The following UST variants were observed in gnomAD, a reference collection of about 807,000 sequenced individuals.
The protein encoded by UST is chondroitin sulfate 2-O-sulfotransferase.
Under a neutral mutation model 45.6 loss-of-function variants are expected in UST, and 21 were observed. That is an observed-to-expected ratio of 0.46 (90% CI 0.33 to 0.66). The LOEUF (loss-of-function observed/expected upper bound fraction) is 0.66. Ranked by LOEUF, UST falls within the 30% of genes least tolerant of loss-of-function variation. The pLI is 0.02. For missense variants in UST, 463 were observed against 512.4 expected (o/e 0.90, Z 0.93); for synonymous variants, 215 against 200.6 (o/e 1.07, Z -0.61).
At chr6:148,973,424 A>G (rs1780959366) in intron 5 of UST, among the ~76,000 whole-genome samples, 1 of 152,230 alleles carries the variant, frequency 6.6e-6, no homozygotes, top group Non-Finnish European at 1.5e-5. Flanking sequence ...GAGACATGTG[A>G]CATTCTTTAA....
intron 2 of UST, among the ~76,000 whole-genome samples, chr6:148,917,754 A>T (rs1289429601): frequency 6.6e-6 from 1 of 152,188 alleles, no homozygotes; most frequent in East Asian, 1.9e-4. Flanking sequence ...AGGGGATGTG[A>T]CTCAAAACTG....
chr6:148,843,414 T>G (rs1383386399), intron 1 of UST, among the ~76,000 whole-genome samples: 1 of 152,256 alleles, frequency 6.6e-6, no homozygotes, highest in Non-Finnish European at 1.5e-5. Flanking sequence ...TCAATATGAT[T>G]GCAGTTTGAG....
intron 1 of UST, among the ~76,000 whole-genome samples, chr6:148,806,887 A>G (rs1316478235): frequency 1.3e-5 from 2 of 151,544 alleles, no homozygotes; most frequent in Admixed American, 6.6e-5. Context: ...TAACTGACCC[A>G]CTCCCACTAT....
intron 1 of UST, among the ~76,000 whole-genome samples, chr6:148,819,968 C>T (rs900684852): frequency 7.2e-5 from 11 of 152,102 alleles, no homozygotes; most frequent in African/African-American, 1.4e-4. Context: ...TAGAATGCTC[C>T]GAAGGCCCAT....
In UST at chr6:148,747,658, C is replaced by G. The variant is rs760254500; in HGVS notation, c.228C>G (p.Leu76=). 3.1e-6 allele frequency: 5 copies of G among 1,599,842 alleles called. No individual in the cohort carries two copies. The East Asian group carries it at 9.2e-5, about 30-fold the overall frequency. The change falls in exon 1 of 8, where the codon CTC becomes CTG. Residue 76 remains leucine, a synonymous_variant. Coordinates refer to ENST00000367463, the MANE Select transcript of UST (RefSeq NM_005715.3). ...QLSGGPPRFL[L]DLRQYLGNST... ...GCGGGGGACCCCCTCGCTTCCTGCT[C>G]GACCTGCGGCAGTACTTGGGTAAGG...
At chr6:148,912,184 G>A (rs1033841948) in intron 2 of UST, among the ~76,000 whole-genome samples, 70 of 152,272 alleles carry the variant, frequency 4.6e-4, no homozygotes, top group African/African-American at 1.5e-3. Flanking sequence ...GTGACACAGC[G>A]AGGGTCTATT....
chr6:148,985,881 A>G (rs2114986257), intron 5 of UST, among the ~76,000 whole-genome samples: 1 of 152,288 alleles, frequency 6.6e-6, no homozygotes, highest in African/African-American at 2.4e-5. Context: ...TACCAAGATG[A>G]GATTGGATGT....
Position 148,965,568 on chromosome 6 carries a change from A to G in UST, c.681+1005A>G, listed in dbSNP as rs573529921. The stretch of plus-strand genomic sequence containing the variant: ...AGCACCGAATCTCAGGGCCACGGCC[A>G]GGACGGCTGCTTCCTCATCTCATTT... On this transcript the variant is annotated intron_variant, in intron 5 of 7. Coordinates refer to ENST00000367463, the MANE Select transcript of UST (RefSeq NM_005715.3). 1.1e-4 allele frequency among the ~76,000 whole-genome samples: 16 copies of G among 152,350 alleles called. No homozygotes were observed. The South Asian group carries it at 1.9e-3, about 18-fold the overall frequency.
At chr6:148,820,698 A>C (rs1777443168) in intron 1 of UST, among the ~76,000 whole-genome samples, 1 of 151,534 alleles carries the variant, frequency 6.6e-6, no homozygotes, top group South Asian at 2.1e-4. Context: ...AAAATACAAA[A>C]AAAAATTAGC....
intron 7 of UST, among the ~76,000 whole-genome samples, chr6:149,025,443 A>G (rs1469958772): frequency 6.6e-6 from 1 of 152,204 alleles, no homozygotes; most frequent in Non-Finnish European, 1.5e-5. Flanking sequence ...TGGATAACCA[A>G]GAGAATATGC....
intron 1 of UST, among the ~76,000 whole-genome samples, chr6:148,752,095 T>C (rs1259338522): frequency 6.6e-6 from 1 of 152,248 alleles, no homozygotes; most frequent in Non-Finnish European, 1.5e-5. Context: ...AGAACTTTAG[T>C]TCTCAGAATT....
intron 2 of UST, among the ~76,000 whole-genome samples, chr6:148,925,204 C>G (rs1183252155): frequency 3.9e-5 from 6 of 152,048 alleles, no homozygotes; most frequent in African/African-American, 9.7e-5. Context: ...CTACTTGCCC[C>G]CATAAAAAAG....
intron 2 of UST, among the ~76,000 whole-genome samples, chr6:148,931,933 T>C (rs1031391537): frequency 6.6e-6 from 1 of 152,218 alleles, no homozygotes; most frequent in Non-Finnish European, 1.5e-5. Flanking sequence ...CTTGGAAATA[T>C]GCCTTCAGGA....
intron 7 of UST, among the ~76,000 whole-genome samples, chr6:149,050,509 C>T (rs1437942133): frequency 6.6e-6 from 1 of 152,216 alleles, no homozygotes; most frequent in Non-Finnish European, 1.5e-5. Context: ...CCATTACATA[C>T]CACAAGGAAT....
intron 1 of UST, among the ~76,000 whole-genome samples, chr6:148,803,740 A>G: frequency 6.6e-6 from 1 of 152,184 alleles, no homozygotes; most frequent in South Asian, 2.1e-4. Context: ...AGGAGGCCCT[A>G]CCTGCTCCTC....
At chr6:148,989,218 CA>C (rs373595613) in intron 5 of UST, among the ~76,000 whole-genome samples, 35,444 of 116,280 alleles carry the variant, frequency 0.3, 5,951 homozygotes, top group South Asian at 0.5. Flanking sequence ...GGCCCCCCCC[CA>C]CCCCCCGCAA....
chr6:149,073,877 G>A lies in UST; in HGVS notation c.982G>A (p.Val328Ile). 1.2e-6 allele frequency: 2 copies of A among 1,614,158 alleles called. No individual in the cohort carries two copies. The highest frequency in any genetic ancestry group is 1.7e-6 in the Non-Finnish European group (2 of 1,180,016). The change falls in exon 8 of 8, where the codon GTC becomes ATC. Residue 328 changes from valine to isoleucine, a missense_variant. Val to Ile is a conservative substitution (Grantham distance 29). Around this residue, in one of 2 missense-constraint regions of UST, gnomAD observed 287 missense variants for 374.2 expected, o/e 0.77. Coordinates refer to ENST00000367463, the MANE Select transcript of UST (RefSeq NM_005715.3). ...GNMTVTVKKT[V>I]PSPEAVQILY... ...CATGACTGTGACGGTGAAGAAGACTGTCCCCTCTCCTGAGGCTGTGCAGAT... is the reference window on the plus strand; with the variant it reads ...CATGACTGTGACGGTGAAGAAGACTATCCCCTCTCCTGAGGCTGTGCAGAT...
rs1327763227 is a variant in UST, at chr6:149,017,797, T to TACAC, written c.682-1341_682-1340insCACA. On this transcript the variant is annotated intron_variant, in intron 5 of 7. Transcript: ENST00000367463. ...CTCATTGCAGCAATGAATATCCATA[T>TACAC]ATACACACACACACACACACACACA... 8.5e-3 allele frequency among the ~76,000 whole-genome samples: 508 copies of TACAC among 59,444 alleles called. 1 individual carries two copies. Among genetic ancestry groups the TACAC allele is most frequent in the African/African-American group, 0.023 (355 of 15,468 alleles). The allele number at this position is 59,444 out of a possible 152,430, so 39.0% of individuals were successfully genotyped here. A position where few individuals can be genotyped will look rare whatever the true frequency, so the allele number is the denominator to read the frequency against.
At chr6:148,777,793 T>A (rs1776564264) in intron 1 of UST, among the ~76,000 whole-genome samples, 1 of 152,192 alleles carries the variant, frequency 6.6e-6, no homozygotes, top group Non-Finnish European at 1.5e-5. Flanking sequence ...GTGATCTACC[T>A]GCCTCGGCCT....
Sources: allele counts gnomAD v4.1 joint callset (sites outside exome capture counted in the v4.1 genomes callset), GRCh38; gene constraint gnomAD v4.1.1; regional missense constraint gnomAD v4.1.1; transcripts MANE v1.5; gene names NCBI Gene and HGNC (gene_info 2026-07-23, HGNC 2026-07-21).